Variants in BBS9 observed in about 807,000 individuals in gnomAD.
BBS9 encodes protein PTHB1.
BBS9 carries 89 observed loss-of-function variants against 117.7 expected under a neutral mutation model. That is an observed-to-expected ratio of 0.76 (90% CI 0.64 to 0.90). The LOEUF is 0.90. Among genes scored for constraint, BBS9 ranks in the 40% least tolerant of loss-of-function variants. BBS9 has a pLI of 0.00. For synonymous variants in BBS9, 379 were observed against 370.9 expected (o/e 1.02, Z -0.25); for missense variants, 982 against 1,042.2 (o/e 0.94, Z 0.80).
intron 19 of BBS9, among the ~76,000 whole-genome samples, chr7:33,425,819 C>A (rs1833577625): frequency 6.6e-6 from 1 of 152,154 alleles, no homozygotes; most frequent in South Asian, 2.1e-4. Context: ...CTTCAGATAC[C>A]TAAGCCAGTG....
At chr7:33,451,298 CTA>C (rs1267880593) in intron 19 of BBS9, among the ~76,000 whole-genome samples, 2 of 152,144 alleles carry the variant, frequency 1.3e-5, no homozygotes, top group Non-Finnish European at 2.9e-5. Flanking sequence ...AGCTTTTCCC[CTA>C]TGTTTTCTTC....
At chr7:33,200,518 T>C (rs1048204462) in intron 5 of BBS9, among the ~76,000 whole-genome samples, 45 of 152,224 alleles carry the variant, frequency 3.0e-4, no homozygotes, top group Non-Finnish European at 1.0e-4. Context: ...TGTCCTTTTA[T>C]GAATCCAATG....
intron 4 of BBS9, among the ~76,000 whole-genome samples, chr7:33,165,032 G>A (rs916469800): frequency 1.6e-4 from 25 of 152,094 alleles, no homozygotes; most frequent in East Asian, 1.9e-4. Context: ...TGGTGGTGAC[G>A]AAATCTCTCA....
At chr7:33,259,630 T>C (rs2392231) in intron 6 of BBS9, among the ~76,000 whole-genome samples, 120,020 of 151,946 alleles carry the variant, frequency 0.79, 47,536 homozygotes, top group Admixed American at 0.84. Context: ...CTGCCTTGGC[T>C]TCCCAAAGTG....
intron 9 of BBS9, among the ~76,000 whole-genome samples, chr7:33,280,905 GTTTTTGTTTT>G (rs1801712706): frequency 4.1e-5 from 2 of 48,772 alleles, no homozygotes; most frequent in East Asian, 5.0e-4. Flanking sequence ...TTAATTTGTC[GTTTTTGTTTT>G]TTTTTTTTTT....
At chr7:33,368,603 C>T (rs1822255073) in intron 17 of BBS9, among the ~76,000 whole-genome samples, 1 of 151,492 alleles carries the variant, frequency 6.6e-6, no homozygotes, top group Non-Finnish European at 1.5e-5. Context: ...CACACACACA[C>T]ACACACACAC....
intron 19 of BBS9, among the ~76,000 whole-genome samples, chr7:33,397,946 C>G (rs933527016): frequency 6.6e-6 from 1 of 151,738 alleles, no homozygotes; most frequent in Non-Finnish European, 1.5e-5. Context: ...AACAAACCTG[C>G]ACATCCTGCA....
At chr7:33,278,643 C>T (rs1801238601) in intron 9 of BBS9, among the ~76,000 whole-genome samples, 2 of 152,090 alleles carry the variant, frequency 1.3e-5, no homozygotes. Flanking sequence ...AGAGGCATTT[C>T]AGACAGGTTC....
chr7:33,455,548 A>G (rs1235071047), intron 19 of BBS9, among the ~76,000 whole-genome samples: 1 of 151,978 alleles, frequency 6.6e-6, no homozygotes, highest in Non-Finnish European at 1.5e-5. Context: ...ATGTCCCACT[A>G]CTCAAGGCAA....
At chr7:33,148,115 G>C (rs1436703865) in intron 2 of BBS9, among the ~76,000 whole-genome samples, 1 of 152,124 alleles carries the variant, frequency 6.6e-6, no homozygotes, top group Non-Finnish European at 1.5e-5. Flanking sequence ...TATTTTTGTT[G>C]ATCTTATAGA....
At chr7:33,289,151 T>G (rs1803501631) in intron 9 of BBS9, among the ~76,000 whole-genome samples, 1 of 152,194 alleles carries the variant, frequency 6.6e-6, no homozygotes. Context: ...TAACAAGACG[T>G]ATGTTATTTA....
At chr7:33,180,164 T>C (rs1285582434) in intron 5 of BBS9, among the ~76,000 whole-genome samples, 7 of 152,116 alleles carry the variant, frequency 4.6e-5, no homozygotes, top group Non-Finnish European at 8.8e-5. Flanking sequence ...CTCATACCCC[T>C]GTTCTCTTTA....
intron 5 of BBS9, among the ~76,000 whole-genome samples, chr7:33,247,943 A>G (rs1011904723): frequency 5.3e-5 from 6 of 113,304 alleles, no homozygotes; most frequent in Non-Finnish European, 1.3e-4. Flanking sequence ...ATTTTCTTAT[A>G]TTATGTTATT....
intron 10 of BBS9, among the ~76,000 whole-genome samples, chr7:33,339,637 T>C (rs1212704392): frequency 6.6e-6 from 1 of 152,094 alleles, no homozygotes; most frequent in African/African-American, 2.4e-5. Flanking sequence ...TTCTAGGTGT[T>C]ATGTGCAGAT....
At chr7:33,315,533 G>A (rs932761619) in intron 9 of BBS9, among the ~76,000 whole-genome samples, 2 of 152,138 alleles carry the variant, frequency 1.3e-5, no homozygotes, top group Non-Finnish European at 2.9e-5. Flanking sequence ...GAGCTGTAAA[G>A]TCTCATTACA....
intron 4 of BBS9, among the ~76,000 whole-genome samples, chr7:33,163,188 C>T (rs1044134205): frequency 4.6e-5 from 7 of 152,106 alleles, no homozygotes; most frequent in African/African-American, 1.2e-4. Context: ...CTGACTTGAT[C>T]GTGGTGGATA....
In BBS9 at chr7:33,165,163, C is replaced by G. The variant is rs1795467619; in HGVS notation, c.328+9461C>G. Among the ~76,000 whole-genome samples the G allele has an allele frequency of 2.0e-5, 3 of 152,204 alleles. No individual in the cohort carries two copies. The South Asian group carries it at 6.2e-4, about 31-fold the overall frequency. On this transcript the variant is annotated intron_variant, in intron 4 of 22. Transcript: ENST00000242067. ...AGAATGTTGAATATTGTCCCCCACT[C>G]TCTTCTGGCTTGTAGAGTTTCTGCC...
At chr7:33,200,841 C>T (rs1006467863) in intron 5 of BBS9, among the ~76,000 whole-genome samples, 1 of 152,112 alleles carries the variant, frequency 6.6e-6, no homozygotes, top group African/African-American at 2.4e-5. Flanking sequence ...GAGGATGAAT[C>T]AGTAGAAAAA....
At chr7:33,565,239 CTTT>C (rs1186293723) in intron 21 of BBS9, among the ~76,000 whole-genome samples, 1 of 152,100 alleles carries the variant, frequency 6.6e-6, no homozygotes, top group Non-Finnish European at 1.5e-5. Flanking sequence ...ACTACTATCT[CTTT>C]TTTACTGACT....
Sources: allele counts gnomAD v4.1 joint callset (sites outside exome capture counted in the v4.1 genomes callset), GRCh38; gene constraint gnomAD v4.1.1; transcripts MANE v1.5; gene names NCBI Gene and HGNC (gene_info 2026-07-23, HGNC 2026-07-21).